Variants in COL28A1 observed in about 807,000 individuals in gnomAD.
The protein encoded by COL28A1 is collagen alpha-1(XXVIII) chain.
A neutral mutation model predicts 150.2 loss-of-function variants in COL28A1; 161 were observed. The observed-to-expected ratio is 1.07, with a 90% confidence interval of 0.94 to 1.22. The LOEUF (loss-of-function observed/expected upper bound fraction) is 1.22. Among genes scored for constraint, COL28A1 ranks in the 50% most tolerant of loss-of-function variants. The pLI is 0.00. For synonymous variants in COL28A1, 552 were observed against 469.7 expected (o/e 1.18, Z -2.26); for missense variants, 1,617 against 1,388.3 (o/e 1.16, Z -2.62).
intron 25 of COL28A1, among the ~76,000 whole-genome samples, chr7:7,423,907 A>G (rs961747961): frequency 3.8e-4 from 58 of 152,206 alleles, no homozygotes; most frequent in African/African-American, 1.3e-3. Flanking sequence ...CTGACCCTGT[A>G]GATACCTTAC....
At chr7:7,449,809 A>C (rs931928299) in intron 18 of COL28A1, among the ~76,000 whole-genome samples, 2 of 152,046 alleles carry the variant, frequency 1.3e-5, no homozygotes, top group Non-Finnish European at 2.9e-5. Context: ...CTAAAAAAAT[A>C]CAAGACCTTT....
intron 18 of COL28A1, among the ~76,000 whole-genome samples, chr7:7,446,823 T>C (rs1488345269): frequency 6.6e-6 from 1 of 152,232 alleles, no homozygotes; most frequent in Non-Finnish European, 1.5e-5. Context: ...CAAACATGCA[T>C]CTGGGTGAAC....
At chr7:7,538,866 AC>A (rs1471870257), upstream of COL28A1, among the ~76,000 whole-genome samples, 3 of 152,028 alleles carry the variant, frequency 2.0e-5, no homozygotes, top group African/African-American at 2.4e-5. Context: ...AAAAAAAAAA[AC>A]ATTACCAACT....
At chr7:7,353,224 G>A (rs981854315), downstream of COL28A1, among the ~76,000 whole-genome samples, 1 of 152,144 alleles carries the variant, frequency 6.6e-6, no homozygotes, top group Non-Finnish European at 1.5e-5. Flanking sequence ...ATTCCACACT[G>A]ATAACATTGA....
intron 15 of COL28A1, among the ~76,000 whole-genome samples, chr7:7,457,541 G>A (rs143297431): frequency 9.1e-4 from 138 of 152,304 alleles, no homozygotes; most frequent in African/African-American, 2.4e-3. Flanking sequence ...ATATCAAGTA[G>A]GTGGGAGAGG....
chr7:7,441,023 G>T (rs1785736987), intron 20 of COL28A1, among the ~76,000 whole-genome samples, 162 bp from the exon 21 acceptor site: 2 of 152,228 alleles, frequency 1.3e-5, no homozygotes, highest in Non-Finnish European at 2.9e-5. Flanking sequence ...TGTTCTTGAG[G>T]AGATCAGATG....
chr7:7,366,597 T>G (rs1780943978), intron 33 of COL28A1, among the ~76,000 whole-genome samples: 1 of 152,192 alleles, frequency 6.6e-6, no homozygotes, highest in African/African-American at 2.4e-5. Flanking sequence ...TACGCAGGGT[T>G]TTATGAAGAA....
At chr7:7,451,840 T>G (rs1183890752) in intron 18 of COL28A1, among the ~76,000 whole-genome samples, 1 of 152,190 alleles carries the variant, frequency 6.6e-6, no homozygotes, top group Admixed American at 6.5e-5. Context: ...AACATGTATA[T>G]TCTTCTTAGA....
At chr7:7,465,252 C>A (rs1305384213) in intron 15 of COL28A1, among the ~76,000 whole-genome samples, 3 of 108,128 alleles carry the variant, frequency 2.8e-5, no homozygotes. Context: ...TGTGTGCGCA[C>A]CGTGCGCGAG....
At chr7:7,452,427 T>C (rs1388429555) in intron 17 of COL28A1, 40 bp from the exon 18 acceptor site, 3 of 1,568,414 alleles carry the variant, frequency 1.9e-6, no homozygotes, top group Middle Eastern at 1.7e-4. Context: ...AAAGTGAAAA[T>C]AATATATTCC....
At chr7:7,444,346 G>A (rs986243737) in intron 19 of COL28A1, 72 bp downstream of exon 19, 2 of 1,592,530 alleles carry the variant, frequency 1.3e-6, no homozygotes, top group African/African-American at 2.7e-5. Context: ...TTTTATTCGA[G>A]CTCCTGCAGG....
intron 27 of COL28A1, among the ~76,000 whole-genome samples, chr7:7,407,576 T>A (rs1783556147): frequency 6.6e-6 from 1 of 152,018 alleles, no homozygotes; most frequent in East Asian, 1.9e-4. Context: ...GAAATTCTAT[T>A]CTTAGGAAAA....
intron 27 of COL28A1, among the ~76,000 whole-genome samples, chr7:7,413,325 C>T (rs1189375190): frequency 6.6e-6 from 1 of 152,180 alleles, no homozygotes; most frequent in Non-Finnish European, 1.5e-5. Context: ...CTTCTGGAGG[C>T]ACCAATATAC....
At chr7:7,401,415 C>T (rs950355343) in intron 27 of COL28A1, among the ~76,000 whole-genome samples, 5 of 152,136 alleles carry the variant, frequency 3.3e-5, no homozygotes, top group Admixed American at 1.3e-4. Context: ...TCCCCAAATA[C>T]CTACTCGGCA....
In COL28A1 at chr7:7,381,505, C is replaced by G. The variant is rs771066060; in HGVS notation, c.2205+39G>C. ...AAGTTAAAGTTAAGCTATTGCGATC[C>G]TAAGCCTAAGCATTTCTCTAAGATC... On this transcript the variant is annotated intron_variant, in intron 28 of 34. Coordinates refer to ENST00000399429, the MANE Select transcript of COL28A1 (RefSeq NM_001037763.3). 8.8e-6 allele frequency: 13 copies of G among 1,477,372 alleles called. No individual in the cohort carries two copies. The East Asian group carries it at 2.9e-4, about 33-fold the overall frequency. The allele number at this position is 1,477,372 out of a possible 1,614,324, so 91.5% of individuals were successfully genotyped here.
Position 7,453,442 on chromosome 7 carries a change from T to C in COL28A1, c.1438A>G (p.Lys480Glu), listed in dbSNP as rs200225645. 188 of 1,189,070 alleles carry C rather than the reference T, an allele frequency of 1.6e-4. No individual in the cohort carries two copies. The highest frequency in any genetic ancestry group is 2.2e-4 in the Non-Finnish European group (172 of 791,958). 73.7% of individuals were successfully genotyped at this position (1,189,070 alleles called of 1,614,324 possible). A position where few individuals can be genotyped will look rare whatever the true frequency, so the allele number is the denominator to read the frequency against. Residue 480 changes from lysine (K) to glutamate (E), a missense_variant and splice_region_variant, in exon 17 of 35, where the codon AAG becomes GAG. Physicochemically the swap from Lys to Glu is moderately conservative, Grantham distance 56. Transcript: ENST00000399429. ...GPAGQGLPGS[K>E]GEVGQMGPTG... ...TCCGCTCTCATTTACAAAGTTACCT[T>C]GGAACCAGGTAAGCCCTGTCCTGCG...
Position 7,506,031 on chromosome 7 carries a change from C to T in COL28A1, c.1009G>A (p.Gly337Arg). The T allele has an allele frequency of 1.0e-5, 15 of 1,455,360 alleles. No individual in the cohort carries two copies. Among genetic ancestry groups the T allele is most frequent in the Non-Finnish European group, 1.4e-5 (15 of 1,035,172 alleles). The allele number at this position is 1,455,360 out of a possible 1,614,324, so 90.2% of individuals were successfully genotyped here. A position where few individuals can be genotyped will look rare whatever the true frequency, so the allele number is the denominator to read the frequency against. ...TGPPGDPGPK[G>R]FQGNKGEPGP... ...AAGATTACCTTATTGCCTTGAAACCCCTTTGGGCCTGGGTCTCCTGGAGGT... is the reference window on the plus strand; with the variant it reads ...AAGATTACCTTATTGCCTTGAAACCTCTTTGGGCCTGGGTCTCCTGGAGGT... The change falls in exon 11 of 35, where the codon GGG becomes AGG. Residue 337 changes from glycine to arginine, a missense_variant. Physicochemically the swap from Gly to Arg is moderately radical, Grantham distance 125. Coordinates refer to ENST00000399429, the MANE Select transcript of COL28A1 (RefSeq NM_001037763.3).
intron 15 of COL28A1, among the ~76,000 whole-genome samples, chr7:7,471,871 G>C (rs1788461270): frequency 6.6e-6 from 1 of 152,048 alleles, no homozygotes; most frequent in Non-Finnish European, 1.5e-5. Context: ...CTCTGGCCTG[G>C]GCAACAAAGT....
chr7:7,392,341 C>G (rs1782595133), intron 27 of COL28A1, among the ~76,000 whole-genome samples: 1 of 152,224 alleles, frequency 6.6e-6, no homozygotes, highest in South Asian at 2.1e-4. Flanking sequence ...GCAGAGAGAT[C>G]TGCTGTTAGT....
Sources: gnomAD v4.1 joint callset for allele counts (sites outside exome capture counted in the v4.1 genomes callset) on GRCh38, gnomAD v4.1.1 for gene constraint, MANE v1.5 for transcripts, NCBI Gene and HGNC (gene_info 2026-07-23, HGNC 2026-07-21) for gene names.